TACR1: variants seen among roughly 807,000 people sequenced by gnomAD.
The protein encoded by TACR1 is substance-P receptor.
TACR1 carries 25 observed loss-of-function variants against 35.8 expected under a neutral mutation model. That is an observed-to-expected ratio of 0.70 (90% confidence interval 0.51 to 0.98). The LOEUF (loss-of-function observed/expected upper bound fraction) is 0.98. Ranked by LOEUF, TACR1 falls within the 50% of genes least tolerant of loss-of-function variation. The probability of loss-of-function intolerance (pLI) is 0.00; values close to 1 mark genes in which losing one functional copy is unlikely to be tolerated. For missense variants in TACR1, 478 were observed against 522.9 expected (o/e 0.91, Z 0.84); for synonymous variants, 195 against 206.7 (o/e 0.94, Z 0.48).
At chr2:75,056,055 A>T (rs1672563069) in intron 2 of TACR1, among the ~76,000 whole-genome samples, 1 of 152,060 alleles carries the variant, frequency 6.6e-6, no homozygotes, top group African/African-American at 2.4e-5. Context: ...CATTTTAGAA[A>T]CTTCCCCCAA....
At chr2:75,152,670 TG>T (rs1040470673) in intron 1 of TACR1, among the ~76,000 whole-genome samples, 3 of 152,212 alleles carry the variant, frequency 2.0e-5, no homozygotes, top group Admixed American at 1.3e-4. Context: ...GCTTAACAGT[TG>T]GTACATAGTA....
intron 2 of TACR1, among the ~76,000 whole-genome samples, chr2:75,094,844 T>C (rs1673383119): frequency 1.1e-5 from 1 of 87,076 alleles, no homozygotes; most frequent in African/African-American, 5.9e-5. Context: ...GAAACATATA[T>C]ATATATATAT....
intron 1 of TACR1, among the ~76,000 whole-genome samples, chr2:75,183,410 A>T (rs1187275526): frequency 6.6e-6 from 1 of 152,228 alleles, no homozygotes; most frequent in East Asian, 1.9e-4. Context: ...AAGGTTAATT[A>T]TTGAGATCCT....
chr2:75,128,188 C>T (rs1239956882), intron 1 of TACR1, among the ~76,000 whole-genome samples: 4 of 152,196 alleles, frequency 2.6e-5, no homozygotes, highest in East Asian at 3.8e-4. Context: ...TGCAAGCTGG[C>T]GGCTCCACTT....
intron 1 of TACR1, among the ~76,000 whole-genome samples, chr2:75,160,247 G>A (rs1299140084): frequency 5.3e-5 from 8 of 149,860 alleles, no homozygotes; most frequent in Non-Finnish European, 5.9e-5. Flanking sequence ...TGAGTAAATA[G>A]AAAAAAAAAT....
chr2:75,049,778 TG>T (rs2103776361), intron 4 of TACR1, 55 bp from the exon 5 acceptor site: 3 of 1,538,530 alleles, frequency 1.9e-6, no homozygotes, highest in Non-Finnish European at 2.6e-6. Context: ...CTCAGAGGGC[TG>T]CCCACCACTG....
At chr2:75,189,855 T>A (rs1262439682) in intron 1 of TACR1, 2 of 152,238 alleles carry the variant, frequency 1.3e-5, no homozygotes, top group African/African-American at 4.8e-5. Flanking sequence ...ATTTAATTAA[T>A]CAAGTTTATA....
chr2:75,124,142 G>A (rs577250845), intron 1 of TACR1, among the ~76,000 whole-genome samples: 1 of 152,280 alleles, frequency 6.6e-6, no homozygotes, highest in Non-Finnish European at 1.5e-5. Flanking sequence ...CCCACTGAGG[G>A]CCATCAGGAC....
chr2:75,101,623 C>T (rs1381902726), intron 2 of TACR1, among the ~76,000 whole-genome samples: 1 of 152,056 alleles, frequency 6.6e-6, no homozygotes, highest in African/African-American at 2.4e-5. Flanking sequence ...GGAACTGCAC[C>T]TGATAAATAA....
At chr2:75,157,540 G>A (rs765267402) in intron 1 of TACR1, among the ~76,000 whole-genome samples, 2 of 152,224 alleles carry the variant, frequency 1.3e-5, no homozygotes, top group Non-Finnish European at 2.9e-5. Context: ...TGTCAAAGAA[G>A]GGGCAGGTAA....
chr2:75,166,468 T>C (rs1675145387), intron 1 of TACR1, among the ~76,000 whole-genome samples: 1 of 152,238 alleles, frequency 6.6e-6, no homozygotes, highest in South Asian at 2.1e-4. Flanking sequence ...GACTTGAACA[T>C]TGCAGAGGAT....
intron 2 of TACR1, among the ~76,000 whole-genome samples, chr2:75,079,608 G>T (rs191770999): frequency 1.0e-3 from 156 of 152,228 alleles, no homozygotes; most frequent in Middle Eastern, 3.4e-3. Context: ...GTGATTTTCT[G>T]CCTCCTTGAT....
chr2:75,047,887 T>G lies in TACR1; in HGVS notation c.*1545A>C, dbSNP rs955890631. The G allele has an allele frequency of 6.6e-6, 1 of 152,194 alleles. No homozygotes were observed. Among genetic ancestry groups the G allele is most frequent in the African/African-American group, 2.4e-5 (1 of 41,450 alleles). 9.4% of individuals were successfully genotyped at this position (152,194 alleles called of 1,614,324 possible). On this transcript the variant is annotated 3_prime_UTR_variant, in exon 5 of 5. Transcript: ENST00000305249. Reference sequence around the variant, plus strand: ...GGATGCGGCACATGTGCATCCATTATGCAAACTACCAGGAGGACATTCATG... The same window carrying G: ...GGATGCGGCACATGTGCATCCATTAGGCAAACTACCAGGAGGACATTCATG...
chr2:75,166,637 T>G (rs1675149448), intron 1 of TACR1, among the ~76,000 whole-genome samples: 1 of 152,200 alleles, frequency 6.6e-6, no homozygotes, highest in Admixed American at 6.5e-5. Flanking sequence ...CTCAAGATAT[T>G]TTCAAAGAGA....
intron 1 of TACR1, among the ~76,000 whole-genome samples, chr2:75,164,335 A>G (rs1242018296): frequency 6.6e-5 from 10 of 151,736 alleles, no homozygotes; most frequent in African/African-American, 2.4e-4. Flanking sequence ...TTAAAAAAAA[A>G]AAAAAGAAAA....
At chr2:75,145,639 A>T (rs1329421261) in intron 1 of TACR1, among the ~76,000 whole-genome samples, 2 of 152,246 alleles carry the variant, frequency 1.3e-5, no homozygotes, top group Non-Finnish European at 2.9e-5. Context: ...TAATATCTAG[A>T]CATAAACACG....
chr2:75,092,023 A>G (rs2103855182), intron 2 of TACR1, among the ~76,000 whole-genome samples: 1 of 152,366 alleles, frequency 6.6e-6, no homozygotes, highest in African/African-American at 2.4e-5. Flanking sequence ...GGAAATGGGC[A>G]TAACATCAGT....
At chr2:75,056,382 G>A (rs982583448) in intron 2 of TACR1, among the ~76,000 whole-genome samples, 11 of 152,048 alleles carry the variant, frequency 7.2e-5, no homozygotes, top group Non-Finnish European at 1.0e-4. Context: ...CTATTTTCCC[G>A]CCCTAATCAC....
At chr2:75,191,128 T>C (rs925744869) in intron 1 of TACR1, among the ~76,000 whole-genome samples, 1 of 152,174 alleles carries the variant, frequency 6.6e-6, no homozygotes, top group Admixed American at 6.5e-5. Context: ...GGAATTGAAG[T>C]CTCTCAAGGT....
Sources: gnomAD v4.1 joint callset for allele counts (sites outside exome capture counted in the v4.1 genomes callset) on GRCh38, gnomAD v4.1.1 for gene constraint, MANE v1.5 for transcripts, NCBI Gene and HGNC (gene_info 2026-07-23, HGNC 2026-07-21) for gene names.